The following ABCA13 variants were observed in gnomAD, a reference collection of about 807,000 sequenced individuals.
ABCA13 encodes ATP-binding cassette sub-family A member 13.
A neutral mutation model predicts 478.7 loss-of-function variants in ABCA13; 476 were observed. The observed-to-expected ratio is 0.99, with a 90% confidence interval of 0.92 to 1.07. The LOEUF is 1.07. ABCA13 is among the 50% of genes least tolerant of loss of function. The pLI is 0.00. For missense variants in ABCA13, 6,060 were observed against 5,910.6 expected (o/e 1.03, Z -0.83); for synonymous variants, 2,252 against 2,158.9 (o/e 1.04, Z -1.20).
intron 29 of ABCA13, among the ~76,000 whole-genome samples, chr7:48,343,421 A>C (rs1050489632): frequency 6.6e-6 from 1 of 152,038 alleles, no homozygotes; most frequent in East Asian, 1.9e-4. Flanking sequence ...GATACCGATT[A>C]GGGCCCATGT....
intron 47 of ABCA13, among the ~76,000 whole-genome samples, chr7:48,485,249 C>A (rs1829178692): frequency 6.6e-6 from 1 of 151,340 alleles, no homozygotes; most frequent in Admixed American, 6.6e-5. Flanking sequence ...CTTATAGCTG[C>A]TTAGTTACTT....
At chr7:48,316,118 T>C (rs142559005) in intron 26 of ABCA13, among the ~76,000 whole-genome samples, 126 of 152,350 alleles carry the variant, frequency 8.3e-4, no homozygotes, top group Non-Finnish European at 1.5e-3. Context: ...CAGGTGACCA[T>C]TGATTTAGAC....
intron 55 of ABCA13, among the ~76,000 whole-genome samples, chr7:48,558,969 T>G (rs185189833): frequency 2.0e-5 from 3 of 152,344 alleles, no homozygotes; most frequent in Admixed American, 2.0e-4. Context: ...CCTTTTTGCT[T>G]TCTTCTTTGG....
At chr7:48,508,703 A>G (rs1831423852) in intron 50 of ABCA13, among the ~76,000 whole-genome samples, 1 of 152,202 alleles carries the variant, frequency 6.6e-6, no homozygotes, top group African/African-American at 2.4e-5. Context: ...GCCCTCATAC[A>G]TATGATTCAT....
chr7:48,426,100 G>T (rs111302749), intron 41 of ABCA13, among the ~76,000 whole-genome samples: 15 of 152,312 alleles, frequency 9.8e-5, no homozygotes, highest in African/African-American at 3.4e-4. Flanking sequence ...AAAATAATGT[G>T]TTCAAGGTCA....
At chr7:48,518,508 G>A (rs996341302) in intron 52 of ABCA13, among the ~76,000 whole-genome samples, 8 of 151,910 alleles carry the variant, frequency 5.3e-5, no homozygotes, top group Admixed American at 5.2e-4. Context: ...ATTATAAACA[G>A]CATTGCTTAC....
rs551665857 is a variant in ABCA13, at chr7:48,410,977, CTCTTTCTTTCTTTCTTTCTTTCTTTCTT to C, written c.12228+346_12228+373del. Among the ~76,000 whole-genome samples the C allele has an allele frequency of 3.9e-4, 41 of 104,696 alleles. No homozygotes were observed. In the South Asian group the frequency reaches 5.7e-3, roughly 15 times the overall value. 68.7% of individuals were successfully genotyped at this position (104,696 alleles called of 152,430 possible). A position where few individuals can be genotyped will look rare whatever the true frequency, so the allele number is the denominator to read the frequency against. ...ACCTATGTATTCTAGAAATTCTTTT[CTCTTTCTTTCTTTCTTTCTTTCTTTCTT>C]TCTTTCTTTCTTTCTTTCTTTCTTT... On this transcript the variant is annotated intron_variant, in intron 40 of 61. Transcript: ENST00000435803.
intron 48 of ABCA13, among the ~76,000 whole-genome samples, chr7:48,501,857 T>C (rs1182104362): frequency 2.6e-5 from 4 of 152,096 alleles, no homozygotes; most frequent in African/African-American, 9.7e-5. Flanking sequence ...GCTCTGTATG[T>C]TAGTAGGTGA....
chr7:48,605,670 G>C (rs1791394201), intron 58 of ABCA13, among the ~76,000 whole-genome samples: 1 of 152,130 alleles, frequency 6.6e-6, no homozygotes, highest in South Asian at 2.1e-4. Flanking sequence ...CCACCTTGGT[G>C]AATCTGATGA....
intron 39 of ABCA13, chr7:48,404,113 C>A: frequency 1.9e-6 from 1 of 514,100 alleles, no homozygotes; most frequent in Non-Finnish European, 3.7e-6. Flanking sequence ...GCAATGACAT[C>A]TATGTACATT....
chr7:48,343,333 A>T (rs769586327), intron 29 of ABCA13, among the ~76,000 whole-genome samples: 1 of 152,128 alleles, frequency 6.6e-6, no homozygotes, highest in African/African-American at 2.4e-5. Context: ...CTTCAGCCTT[A>T]GTAGGGAAAT....
At chr7:48,544,245 T>C (rs1784613375) in intron 55 of ABCA13, among the ~76,000 whole-genome samples, 2 of 151,704 alleles carry the variant, frequency 1.3e-5, no homozygotes, top group African/African-American at 4.8e-5. Context: ...GATGTGATAC[T>C]GTGCAATATA....
At chr7:48,224,317 T>A (rs1305292047) in intron 5 of ABCA13, among the ~76,000 whole-genome samples, 5 of 152,184 alleles carry the variant, frequency 3.3e-5, no homozygotes, top group East Asian at 1.9e-4. Flanking sequence ...TCACATTGCC[T>A]GGGACTGAGA....
chr7:48,228,155 A>G (rs923854477), intron 6 of ABCA13, among the ~76,000 whole-genome samples: 1 of 152,170 alleles, frequency 6.6e-6, no homozygotes, highest in Non-Finnish European at 1.5e-5. Flanking sequence ...TACTTATTCT[A>G]TCTGCCATTG....
chr7:48,539,525 A>G (rs9656608), intron 55 of ABCA13, among the ~76,000 whole-genome samples: 133,384 of 152,176 alleles, frequency 0.88, 58,804 homozygotes, highest in African/African-American at 0.96. Flanking sequence ...CAGTTTTCAC[A>G]ATAATCAATT....
intron 43 of ABCA13, among the ~76,000 whole-genome samples, chr7:48,462,451 C>CT (rs1563297600): frequency 2.0e-5 from 3 of 151,938 alleles, no homozygotes; most frequent in Non-Finnish European, 4.4e-5. Context: ...ATTCCCCCCC[C>CT]CCTACTGTTT....
At chr7:48,280,431 A>G (rs1041673771) in intron 18 of ABCA13, among the ~76,000 whole-genome samples, 21 of 152,180 alleles carry the variant, frequency 1.4e-4, no homozygotes, top group African/African-American at 4.6e-4. Context: ...TATCGCTGAA[A>G]GTTATGTCCA....
intron 31 of ABCA13, among the ~76,000 whole-genome samples, chr7:48,356,249 C>G (rs1183076167): frequency 6.6e-6 from 1 of 151,812 alleles, no homozygotes; most frequent in Admixed American, 6.5e-5. Context: ...AGAGTAGCTT[C>G]CATGATGTGG....
intron 20 of ABCA13, among the ~76,000 whole-genome samples, chr7:48,288,548 T>C (rs1226508766): frequency 6.6e-6 from 1 of 152,186 alleles, no homozygotes; most frequent in Admixed American, 6.5e-5. Flanking sequence ...AGTTCTTCCC[T>C]TCTCTACGTT....
Sources: allele counts gnomAD v4.1 joint callset (sites outside exome capture counted in the v4.1 genomes callset), GRCh38; gene constraint gnomAD v4.1.1; transcripts MANE v1.5; gene names NCBI Gene and HGNC (gene_info 2026-07-23, HGNC 2026-07-21).